C1orf21: variants seen among roughly 807,000 people sequenced by gnomAD.
C1orf21 encodes the protein chromosome 1 open reading frame 21.
Under a neutral mutation model 18.7 loss-of-function variants are expected in C1orf21, and 3 were observed. The observed-to-expected ratio is 0.16, with a 90% CI of 0.07 to 0.42. The LOEUF (loss-of-function observed/expected upper bound fraction) is 0.42, where lower values mean the gene tolerates loss of function less well. Ranked by LOEUF, C1orf21 falls within the 10% of genes least tolerant of loss-of-function variation. The pLI is 0.99. For synonymous variants in C1orf21, 41 were observed against 46.4 expected (o/e 0.88, Z 0.47); for missense variants, 104 against 143.6 (o/e 0.72, Z 1.41).
chr1:184,426,898 C>T (rs1656645412), intron 1 of C1orf21, among the ~76,000 whole-genome samples: 2 of 152,108 alleles, frequency 1.3e-5, no homozygotes, highest in South Asian at 2.1e-4. Flanking sequence ...CTTCAACCTA[C>T]GTTTATTGAG....
intron 1 of C1orf21, among the ~76,000 whole-genome samples, chr1:184,411,514 C>T (rs994797412): frequency 4.0e-4 from 60 of 149,982 alleles, no homozygotes; most frequent in South Asian, 8.4e-4. Context: ...CTCCGCCTCC[C>T]GGGTTCACGC....
At chr1:184,429,134 T>A (rs1656691641) in intron 1 of C1orf21, among the ~76,000 whole-genome samples, 1 of 152,232 alleles carries the variant, frequency 6.6e-6, no homozygotes, top group South Asian at 2.1e-4. Context: ...ATTACTCAGA[T>A]GAATTCAACA....
At chr1:184,486,405 T>C (rs1356445094) in intron 2 of C1orf21, among the ~76,000 whole-genome samples, 1 of 152,326 alleles carries the variant, frequency 6.6e-6, no homozygotes, top group African/African-American at 2.4e-5. Flanking sequence ...ATGGAGGTAA[T>C]AATGGTATCC....
chr1:184,431,947 G>A (rs1656772673), intron 1 of C1orf21, among the ~76,000 whole-genome samples: 1 of 152,224 alleles, frequency 6.6e-6, no homozygotes, highest in Non-Finnish European at 1.5e-5. Flanking sequence ...GGTCATTAGA[G>A]AAATGCAAAT....
At chr1:184,414,762 C>A (rs1656421699) in intron 1 of C1orf21, among the ~76,000 whole-genome samples, 1 of 151,986 alleles carries the variant, frequency 6.6e-6, no homozygotes, top group South Asian at 2.1e-4. Flanking sequence ...GATACTGTTC[C>A]TTTGTTAAAA....
chr1:184,625,377 C>G lies in C1orf21; in HGVS notation c.*5821C>G, dbSNP rs1360797938. Reference sequence around the variant, plus strand: ...TCAGTCTAGACCTTCAAGGACTGTTCTCTCTTGACAGGCAAGCAAGCAAAG... The same window carrying G: ...TCAGTCTAGACCTTCAAGGACTGTTGTCTCTTGACAGGCAAGCAAGCAAAG... On this transcript the variant is annotated 3_prime_UTR_variant, in exon 6 of 6. Transcript: ENST00000235307. 1 of 152,624 alleles carries G rather than the reference C, an allele frequency of 6.6e-6. No individual in the cohort carries two copies. Among genetic ancestry groups the G allele is most frequent in the African/African-American group, 2.4e-5 (1 of 41,446 alleles). The allele number at this position is 152,624 out of a possible 1,614,324, so 9.5% of individuals were successfully genotyped here. A position where few individuals can be genotyped will look rare whatever the true frequency, so the allele number is the denominator to read the frequency against.
At chr1:184,614,354 C>G (rs1659786170) in intron 5 of C1orf21, among the ~76,000 whole-genome samples, 2 of 152,228 alleles carry the variant, frequency 1.3e-5, no homozygotes, top group Non-Finnish European at 2.9e-5. Flanking sequence ...TCACTTTCAT[C>G]TAGTCTACTC....
rs1026016833 is a variant in C1orf21 at position 184,627,563 on chromosome 1, A to G, written c.*8007A>G. The G allele has an allele frequency of 6.6e-6, 1 of 152,184 alleles. No individual in the cohort carries two copies. The highest frequency in any genetic ancestry group is 1.5e-5 in the Non-Finnish European group (1 of 68,064). The allele number at this position is 152,184 out of a possible 1,614,324, so 9.4% of individuals were successfully genotyped here. ...TGCCCTCCTGGCATACTCAACAGCA[A>G]CGCCAGCTTTCTGGACCCTTGGAAA... On this transcript the variant is annotated 3_prime_UTR_variant, in exon 6 of 6. Coordinates refer to ENST00000235307, the MANE Select transcript of C1orf21 (RefSeq NM_030806.4).
At chr1:184,392,922 T>C (rs1276918374) in intron 1 of C1orf21, among the ~76,000 whole-genome samples, 2 of 147,376 alleles carry the variant, frequency 1.4e-5, no homozygotes, top group African/African-American at 5.0e-5. Flanking sequence ...TCTGCCTCCC[T>C]GGCTCAAGTC....
chr1:184,574,149 G>A (rs1659153299), intron 3 of C1orf21, among the ~76,000 whole-genome samples: 1 of 152,164 alleles, frequency 6.6e-6, no homozygotes, highest in South Asian at 2.1e-4. Context: ...AGATTGCCGT[G>A]AGCTGAGATC....
At chr1:184,615,554 C>T (rs886327067) in intron 5 of C1orf21, among the ~76,000 whole-genome samples, 1 of 152,198 alleles carries the variant, frequency 6.6e-6, no homozygotes, top group African/African-American at 2.4e-5. Flanking sequence ...CATACTTCTG[C>T]GAAGAATTGC....
At chr1:184,444,629 A>G (rs574198470) in intron 1 of C1orf21, among the ~76,000 whole-genome samples, 6 of 152,100 alleles carry the variant, frequency 3.9e-5, no homozygotes, top group Non-Finnish European at 7.3e-5. Flanking sequence ...CCTACTTACT[A>G]TCTGTGAGAC....
rs1659951329 is a variant in C1orf21, at chr1:184,623,150, C to G, written c.*3594C>G. On this transcript the variant is annotated 3_prime_UTR_variant, in exon 6 of 6. Coordinates refer to ENST00000235307, the MANE Select transcript of C1orf21 (RefSeq NM_030806.4). ...GTGGATTACAAGTCCTGCTTTGACA[C>G]TGGGCAAGAATTTAAGATTGTTCTA... is the stretch of plus-strand genomic sequence containing the variant. 1 of 152,162 alleles carries G rather than the reference C, an allele frequency of 6.6e-6. No homozygotes were observed. Among genetic ancestry groups the G allele is most frequent in the East Asian group, 1.9e-4 (1 of 5,192 alleles). 9.4% of individuals were successfully genotyped at this position (152,162 alleles called of 1,614,324 possible).
At chr1:184,430,440 ATGAC>A (rs1308671641) in intron 1 of C1orf21, among the ~76,000 whole-genome samples, 2 of 152,252 alleles carry the variant, frequency 1.3e-5, no homozygotes, top group Non-Finnish European at 2.9e-5. Flanking sequence ...TATTAATAAA[ATGAC>A]AAACAACCAT....
intron 2 of C1orf21, among the ~76,000 whole-genome samples, chr1:184,503,354 C>A (rs566341006): frequency 1.7e-3 from 256 of 152,108 alleles, no homozygotes; most frequent in African/African-American, 5.9e-3. Context: ...ATATGAGGTT[C>A]TTTAGCTGAG....
intron 3 of C1orf21, among the ~76,000 whole-genome samples, chr1:184,521,113 G>A (rs994492950): frequency 3.3e-5 from 5 of 152,070 alleles, no homozygotes; most frequent in South Asian, 2.1e-4. Flanking sequence ...GGCTGGTCTC[G>A]AACTCCTGAC....
At chr1:184,397,119 G>A (rs1453724040) in intron 1 of C1orf21, among the ~76,000 whole-genome samples, 1 of 152,158 alleles carries the variant, frequency 6.6e-6, no homozygotes, top group Non-Finnish European at 1.5e-5. Flanking sequence ...ACTCAAACCA[G>A]GCAAGTGTGG....
rs1659991337 is a variant in C1orf21 at position 184,625,381 on chromosome 1, C to G, written c.*5825C>G. On this transcript the variant is annotated 3_prime_UTR_variant, in exon 6 of 6. Coordinates refer to ENST00000235307, the MANE Select transcript of C1orf21 (RefSeq NM_030806.4). ...TCTAGACCTTCAAGGACTGTTCTCT[C>G]TTGACAGGCAAGCAAGCAAAGAAAG... 6.6e-6 allele frequency: 1 copy of G among 152,598 alleles called. No individual in the cohort carries two copies. The highest frequency in any genetic ancestry group is 2.4e-5 in the African/African-American group (1 of 41,438). The allele number at this position is 152,598 out of a possible 1,614,324, so 9.5% of individuals were successfully genotyped here. A position where few individuals can be genotyped will look rare whatever the true frequency, so the allele number is the denominator to read the frequency against.
intron 1 of C1orf21, among the ~76,000 whole-genome samples, chr1:184,452,058 C>T (rs75062280): frequency 0.01 from 1,597 of 152,258 alleles, 10 homozygotes; most frequent in Non-Finnish European, 0.018. Flanking sequence ...AAGCCAAAGC[C>T]GCCTCCTTAA....
Sources: allele counts gnomAD v4.1 joint callset (sites outside exome capture counted in the v4.1 genomes callset), GRCh38; gene constraint gnomAD v4.1.1; transcripts MANE v1.5; gene names NCBI Gene and HGNC (gene_info 2026-07-23, HGNC 2026-07-21).